Variants in KIAA0232 observed in about 807,000 individuals in gnomAD.
The protein encoded by KIAA0232 is KIAA0232, also known as uncharacterized protein KIAA0232.
In KIAA0232, 27 loss-of-function variants were observed where a neutral mutation model predicts 122.0. That is an observed-to-expected ratio of 0.22 (90% CI 0.16 to 0.31). KIAA0232 has a LOEUF of 0.31. Among genes scored for constraint, KIAA0232 ranks in the 10% least tolerant of loss-of-function variants. The pLI, the probability that KIAA0232 is intolerant of heterozygous loss-of-function variation, is 1.00. For synonymous variants in KIAA0232, 613 were observed against 587.6 expected (o/e 1.04, Z -0.63); for missense variants, 1,551 against 1,634.2 (o/e 0.95, Z 0.88).
At chr4:6,835,945 T>C (rs2109093866) in intron 3 of KIAA0232, among the ~76,000 whole-genome samples, 1 of 152,366 alleles carries the variant, frequency 6.6e-6, no homozygotes, top group South Asian at 2.1e-4. Flanking sequence ...GCATGTGTCT[T>C]TATAGTAGCA....
At chr4:6,832,512 C>T (rs1719049200) in intron 3 of KIAA0232, among the ~76,000 whole-genome samples, 1 of 152,040 alleles carries the variant, frequency 6.6e-6, no homozygotes, top group Non-Finnish European at 1.5e-5. Flanking sequence ...CCACACCTGG[C>T]TAATTTTTGT....
intron 2 of KIAA0232, among the ~76,000 whole-genome samples, chr4:6,812,438 G>A (rs1717920944): frequency 6.6e-6 from 1 of 151,950 alleles, no homozygotes; most frequent in Non-Finnish European, 1.5e-5. Flanking sequence ...CATAATGCCA[G>A]GTGAAAAAGG....
rs1378908409 is a variant in KIAA0232 at position 6,855,461 on chromosome 4, G to A, written c.370-1703G>A. ...CAGAAAAACCTGGTTGGTAGAGCTTGCTTTTACACAGAGAGTAAGGAGTAA... is the reference window on the plus strand; with the variant it reads ...CAGAAAAACCTGGTTGGTAGAGCTTACTTTTACACAGAGAGTAAGGAGTAA... On this transcript the variant is annotated intron_variant, in intron 4 of 9. Coordinates refer to ENST00000307659, the MANE Select transcript of KIAA0232 (RefSeq NM_014743.3). This position sits in a 1 kb window ranked among gnomAD's most constrained non-coding sequence, Gnocchi z 4.3. 6.6e-6 allele frequency among the ~76,000 whole-genome samples: 1 copy of A among 152,078 alleles called. No individual in the cohort carries two copies. The highest frequency in any genetic ancestry group is 1.5e-5 in the Non-Finnish European group (1 of 68,026).
intron 2 of KIAA0232, among the ~76,000 whole-genome samples, chr4:6,814,225 A>G (rs918499009): frequency 1.3e-5 from 2 of 152,128 alleles, no homozygotes; most frequent in African/African-American, 2.4e-5. Flanking sequence ...TTGTATTTCC[A>G]TATTCCTCCT....
intron 5 of KIAA0232, among the ~76,000 whole-genome samples, chr4:6,857,469 G>A (rs1164102811): frequency 6.6e-6 from 1 of 152,176 alleles, no homozygotes; most frequent in African/African-American, 2.4e-5. Flanking sequence ...GTCCACAGGT[G>A]CCCTCAGAGA....
Position 6,871,640 on chromosome 4 carries a change from A to G in KIAA0232, c.3868A>G (p.Lys1290Glu). The part of the protein sequence containing the change: ...RSQEKQTWWE[K>E]ALYSPLFPAS... ...TCAAGAAAAACAGACCTGGTGGGAA[A>G]AAGCCTTGTACTCTCCTCTTTTTCC... is the stretch of plus-strand genomic sequence containing the variant. Residue 1290 changes from lysine (K) to glutamate (E), a missense_variant, in exon 8 of 10, where the codon AAA (lysine) becomes GAA (glutamate). Lys to Glu is a moderately conservative substitution (Grantham distance 56). Coordinates refer to ENST00000307659, the MANE Select transcript of KIAA0232 (RefSeq NM_014743.3). The G allele has an allele frequency of 1.9e-6, 3 of 1,612,778 alleles. No homozygotes were observed. The South Asian group carries it at 3.3e-5, about 18-fold the overall frequency.
rs999168293 is a variant in KIAA0232 at position 6,863,725 on chromosome 4, G to A, written c.3343G>A (p.Glu1115Lys). 3.7e-6 allele frequency: 6 copies of A among 1,614,058 alleles called. No individual in the cohort carries two copies. Among genetic ancestry groups the A allele is most frequent in the Non-Finnish European group, 5.1e-6 (6 of 1,180,036 alleles). ...RTHFRPISAS[E>K]LSPGGGSESE... ...TCACTTTCGCCCAATTTCTGCATCC[G>A]AACTGTCCCCAGGAGGAGGAAGCGA... The change falls in exon 7 of 10, where the codon GAA (glutamate) becomes AAA (lysine). Residue 1115 changes from glutamate to lysine, a missense_variant. Coordinates refer to ENST00000307659, the MANE Select transcript of KIAA0232 (RefSeq NM_014743.3).
At chr4:6,805,715 A>G (rs1717584453) in intron 2 of KIAA0232, among the ~76,000 whole-genome samples, 1 of 152,232 alleles carries the variant, frequency 6.6e-6, no homozygotes, top group Non-Finnish European at 1.5e-5. Flanking sequence ...ATTTTATATG[A>G]TAAAATGTTT....
chr4:6,866,802 C>T (rs1721210989), intron 7 of KIAA0232, among the ~76,000 whole-genome samples: 1 of 152,116 alleles, frequency 6.6e-6, no homozygotes. Flanking sequence ...AGTAGGTGTC[C>T]TGGATGAATA....
intron 1 of KIAA0232, among the ~76,000 whole-genome samples, chr4:6,785,946 T>C (rs1716601626): frequency 6.6e-6 from 1 of 152,216 alleles, no homozygotes; most frequent in African/African-American, 2.4e-5. Flanking sequence ...TCACTCCCAC[T>C]CCCTCCAGTT....
chr4:6,811,382 G>A (rs934489928), intron 2 of KIAA0232, among the ~76,000 whole-genome samples: 2 of 152,174 alleles, frequency 1.3e-5, no homozygotes, highest in Non-Finnish European at 2.9e-5. Flanking sequence ...CAGGTATTGC[G>A]TAAACCCTGA....
intron 1 of KIAA0232, among the ~76,000 whole-genome samples, chr4:6,787,124 T>C (rs1315120301): frequency 1.5e-5 from 2 of 131,546 alleles, no homozygotes; most frequent in Non-Finnish European, 3.0e-5. Flanking sequence ...GAGGTTGCAG[T>C]GAACCAAGAT....
intron 1 of KIAA0232, among the ~76,000 whole-genome samples, chr4:6,790,995 T>C (rs1716868736): frequency 6.8e-6 from 1 of 146,914 alleles, no homozygotes; most frequent in Non-Finnish European, 1.5e-5. Flanking sequence ...CTTGGCTTAC[T>C]GCAACCTCCA....
intron 1 of KIAA0232, among the ~76,000 whole-genome samples, chr4:6,796,668 G>A (rs913116544): frequency 1.3e-5 from 2 of 152,228 alleles, no homozygotes; most frequent in Non-Finnish European, 2.9e-5. Context: ...CACAGTTAGT[G>A]CAAGAAGGTG....
chr4:6,798,897 A>G (rs1717252889), intron 1 of KIAA0232, among the ~76,000 whole-genome samples: 1 of 152,156 alleles, frequency 6.6e-6, no homozygotes, highest in Non-Finnish European at 1.5e-5. Context: ...GAAGAAATGC[A>G]GTTTCATCAG....
At position 6,796,079 on chromosome 4, in the gene KIAA0232, C is replaced by T. The variant is rs1437188789; in HGVS notation, c.-353-8444C>T. Among the ~76,000 whole-genome samples the T allele has an allele frequency of 4.6e-5, 7 of 151,926 alleles. No individual in the cohort carries two copies. In the East Asian group the frequency reaches 7.7e-4, roughly 17 times the overall value. The stretch of plus-strand genomic sequence containing the variant: ...AGGATGATGAGAGGTGTGGTTTGTG[C>T]GTAAGTGAGCTGCACTAAAATTTGA... On this transcript the variant is annotated intron_variant, in intron 1 of 9. Coordinates refer to ENST00000307659, the MANE Select transcript of KIAA0232 (RefSeq NM_014743.3).
chr4:6,876,552 G>T (rs1488463462), intron 8 of KIAA0232, 108 bp from the exon 9 acceptor site: 3 of 778,076 alleles, frequency 3.9e-6, no homozygotes, highest in Non-Finnish European at 6.5e-6. Flanking sequence ...AGACCTAACT[G>T]ATGTAGCTTT....
chr4:6,830,722 C>G, intron 3 of KIAA0232, among the ~76,000 whole-genome samples: 1 of 152,022 alleles, frequency 6.6e-6, no homozygotes. Flanking sequence ...TCTTTATTCT[C>G]AAGCTTCACC....
At position 6,876,777 on chromosome 4, in the gene KIAA0232, C is replaced by T; in HGVS notation, c.4008+20C>T. ...AATAGGGTAAGTGGACTGTCCTCCT[C>T]CTCGTCATTAACTTACAAACAGCCA... On this transcript the variant is annotated intron_variant, in intron 9 of 9. Coordinates refer to ENST00000307659, the MANE Select transcript of KIAA0232 (RefSeq NM_014743.3). 2.0e-6 allele frequency: 3 copies of T among 1,524,520 alleles called. No homozygotes were observed. The highest frequency in any genetic ancestry group is 2.2e-5 in the South Asian group (2 of 89,228). 94.4% of individuals were successfully genotyped at this position (1,524,520 alleles called of 1,614,324 possible).
Sources: allele counts gnomAD v4.1 joint callset (sites outside exome capture counted in the v4.1 genomes callset), GRCh38; gene constraint gnomAD v4.1.1; non-coding constraint Gnocchi (gnomAD v3.1); transcripts MANE v1.5; gene names NCBI Gene and HGNC (gene_info 2026-07-23, HGNC 2026-07-21).